The following CHD9 variants were observed in gnomAD, a reference collection of about 807,000 sequenced individuals.
The protein encoded by CHD9 is chromodomain helicase DNA binding protein 9.
A neutral mutation model predicts 316.1 loss-of-function variants in CHD9; 77 were observed. The observed-to-expected ratio is 0.24, with a 90% CI of 0.20 to 0.29. The LOEUF (loss-of-function observed/expected upper bound fraction) is 0.29, where lower values mean the gene tolerates loss of function less well. Ranked by LOEUF, CHD9 falls within the 10% of genes least tolerant of loss-of-function variation. The probability of loss-of-function intolerance (pLI) is 1.00; values close to 1 mark genes in which losing one functional copy is unlikely to be tolerated. For missense variants in CHD9, 2,763 were observed against 3,438.1 expected (o/e 0.80, Z 4.91); for synonymous variants, 1,129 against 1,158.3 (o/e 0.97, Z 0.51).
intron 2 of CHD9, among the ~76,000 whole-genome samples, chr16:53,195,466 A>G: frequency 6.6e-6 from 1 of 152,066 alleles, no homozygotes; most frequent in African/African-American, 2.4e-5. Flanking sequence ...CACAGCTTAG[A>G]TGGGTTCTTT....
At chr16:53,167,593 G>C (rs757201809) in intron 2 of CHD9, among the ~76,000 whole-genome samples, 1 of 151,232 alleles carries the variant, frequency 6.6e-6, no homozygotes, top group Non-Finnish European at 1.5e-5. Context: ...CTTAAAGAAG[G>C]TGTTCCTCTA....
intron 22 of CHD9, 35 bp downstream of exon 22, chr16:53,268,161 T>A (rs1479668305): frequency 2.1e-6 from 3 of 1,399,796 alleles, no homozygotes; most frequent in Non-Finnish European, 2.9e-6. Flanking sequence ...TTAAAATTTA[T>A]TTTTAGTTAT....
At chr16:53,273,235 G>A (rs986815686) in intron 22 of CHD9, among the ~76,000 whole-genome samples, 7 of 152,158 alleles carry the variant, frequency 4.6e-5, no homozygotes, top group African/African-American at 1.7e-4. Context: ...TGAAGAGGAT[G>A]GCTAACCTAA....
At chr16:53,131,664 G>T (rs1434488135) in intron 1 of CHD9, among the ~76,000 whole-genome samples, 3 of 151,890 alleles carry the variant, frequency 2.0e-5, no homozygotes, top group Non-Finnish European at 4.4e-5. Flanking sequence ...GGCCTCCCCC[G>T]GGTTGGGTTC....
chr16:53,160,830 C>T (rs1255090587), intron 2 of CHD9, among the ~76,000 whole-genome samples: 1 of 152,164 alleles, frequency 6.6e-6, no homozygotes, highest in African/African-American at 2.4e-5. Flanking sequence ...TCGCTTGAAC[C>T]CGGGAGGCTG....
At chr16:53,239,674 A>T (rs774781119) in intron 12 of CHD9, among the ~76,000 whole-genome samples, 1 of 152,222 alleles carries the variant, frequency 6.6e-6, no homozygotes, top group East Asian at 1.9e-4. Context: ...ATAGAGGTTG[A>T]AGTAAGATAA....
Position 53,267,935 on chromosome 16 carries a change from G to A in CHD9, c.4526G>A (p.Arg1509Gln). The A allele has an allele frequency of 5.0e-6, 8 of 1,613,310 alleles. No individual in the cohort carries two copies. The highest frequency in any genetic ancestry group is 6.8e-6 in the Non-Finnish European group (8 of 1,179,476). ...ATACCTTTTTTAACCAGGTGGGGCC[G>A]ATGGAGAGAGATTCTATCTCATGGC... ...EKNLLVYGWG[R>Q]WREILSHGRF... is the part of the protein sequence containing the mutation. The change falls in exon 22 of 39, where the codon CGA (arginine) becomes CAA (glutamine). Residue 1509 changes from arginine to glutamine, a missense_variant. By Grantham distance (43) the Arg-to-Gln change is conservative (BLOSUM62 1). Transcript: ENST00000447540.
At chr16:53,121,157 A>T (rs1248818608) in intron 1 of CHD9, 1 of 304,110 alleles carries the variant, frequency 3.3e-6, no homozygotes, top group South Asian at 3.0e-5. Context: ...AGAGGACCAT[A>T]TCTATCTTGT....
chr16:53,196,486 G>A (rs1005738786), intron 2 of CHD9, among the ~76,000 whole-genome samples: 23 of 152,176 alleles, frequency 1.5e-4, no homozygotes, highest in Non-Finnish European at 1.0e-4. Flanking sequence ...AGTTTTACAA[G>A]AGCATGGTTC....
intron 36 of CHD9, among the ~76,000 whole-genome samples, chr16:53,316,981 C>G (rs1253486942): frequency 6.6e-6 from 1 of 151,864 alleles, no homozygotes; most frequent in African/African-American, 2.4e-5. Flanking sequence ...GGCAGATCAC[C>G]TGAGGTCAGG....
intron 1 of CHD9, among the ~76,000 whole-genome samples, chr16:53,116,920 G>C (rs1567340765): frequency 6.6e-6 from 1 of 152,158 alleles, no homozygotes; most frequent in Non-Finnish European, 1.5e-5. Flanking sequence ...CATGTCTTTT[G>C]CAGGGACATG....
chr16:53,243,705 T>G (rs1261121872), intron 13 of CHD9, among the ~76,000 whole-genome samples: 1 of 152,222 alleles, frequency 6.6e-6, no homozygotes, highest in African/African-American at 2.4e-5. Flanking sequence ...TCATTTATGG[T>G]AAAAAGTCCT....
intron 10 of CHD9, among the ~76,000 whole-genome samples, chr16:53,234,178 A>C (rs2048417508): frequency 6.6e-6 from 1 of 152,204 alleles, no homozygotes; most frequent in Admixed American, 6.5e-5. Flanking sequence ...TTGTTGCCAC[A>C]ATGTTTGCAC....
chr16:53,062,759 G>A (rs913203300), intron 1 of CHD9, among the ~76,000 whole-genome samples: 5 of 152,138 alleles, frequency 3.3e-5, no homozygotes, highest in African/African-American at 9.7e-5. Flanking sequence ...AGCCGGGTGC[G>A]ATGGCTCACG....
At chr16:53,229,309 T>C (rs2047960481) in intron 8 of CHD9, among the ~76,000 whole-genome samples, 2 of 152,246 alleles carry the variant, frequency 1.3e-5, no homozygotes, top group African/African-American at 4.8e-5. Context: ...TGGTAGATCA[T>C]GCTTGTATTT....
chr16:53,060,387 G>A (rs1205496618), intron 1 of CHD9, among the ~76,000 whole-genome samples: 2 of 152,108 alleles, frequency 1.3e-5, no homozygotes, highest in Admixed American at 6.5e-5. Context: ...GCTGAGGCAG[G>A]AGGATTGCTT....
chr16:53,270,850 G>A (rs1203994990), intron 22 of CHD9, among the ~76,000 whole-genome samples: 1 of 152,082 alleles, frequency 6.6e-6, no homozygotes, highest in East Asian at 1.9e-4. Flanking sequence ...CTCTGGAAGT[G>A]GGTGTATAAG....
rs942744416 is a variant in CHD9 at position 53,115,954 on chromosome 16, G to T, written c.-164-39972G>T. ...GGCAGAGGGAAGAGAAGGTGAAAAG[G>T]TTCCGAGACAAGGAGGGTGTGTTTG... On this transcript the variant is annotated intron_variant, in intron 1 of 38. Coordinates refer to ENST00000447540, the MANE Select transcript of CHD9 (RefSeq NM_001308319.2). Among the ~76,000 whole-genome samples the T allele has an allele frequency of 9.9e-5, 15 of 152,214 alleles. 1 individual carries two copies. Among genetic ancestry groups the T allele is most frequent in the Admixed American group, 6.5e-4 (10 of 15,282 alleles).
At chr16:53,274,393 G>T in intron 24 of CHD9, 91 bp downstream of exon 24, 1 of 662,540 alleles carries the variant, frequency 1.5e-6, no homozygotes, top group Non-Finnish European at 2.5e-6. Flanking sequence ...TCCCACCTCT[G>T]CCTCCTGAGA....
Sources: allele counts gnomAD v4.1 joint callset (sites outside exome capture counted in the v4.1 genomes callset), GRCh38; gene constraint gnomAD v4.1.1; transcripts MANE v1.5; gene names NCBI Gene and HGNC (gene_info 2026-07-23, HGNC 2026-07-21).